The following NEDD4L variants were observed in gnomAD, a reference collection of about 807,000 sequenced individuals.
The protein encoded by NEDD4L is NEDD4 like E3 ubiquitin protein ligase, also known as E3 ubiquitin-protein ligase NEDD4-like.
In NEDD4L, 54 loss-of-function variants were observed where a neutral mutation model predicts 148.9. That is an observed-to-expected ratio of 0.36 (90% CI 0.29 to 0.45). NEDD4L has a LOEUF of 0.45. Ranked by LOEUF, NEDD4L falls within the 20% of genes least tolerant of loss-of-function variation. NEDD4L has a pLI of 1.00. For missense variants in NEDD4L, 856 were observed against 1,233.8 expected, an observed-to-expected ratio of 0.69 and a Z score of 4.59; for synonymous variants, 433 against 440.7, an observed-to-expected ratio of 0.98 and a Z score of 0.22.
At chr18:58,212,722 C>T (rs1056713710) in intron 2 of NEDD4L, among the ~76,000 whole-genome samples, 1 of 152,150 alleles carries the variant, frequency 6.6e-6, no homozygotes, top group Non-Finnish European at 1.5e-5. Flanking sequence ...CTGCCCACCT[C>T]AGCCTCCCAA....
chr18:58,311,109 GCTTT>G (rs143394196), intron 5 of NEDD4L, among the ~76,000 whole-genome samples: 2,544 of 152,066 alleles, frequency 0.017, 74 homozygotes, highest in African/African-American at 0.058. Flanking sequence ...TAGTTGAGTG[GCTTT>G]CTAATTCTTT....
At chr18:58,195,729 A>G (rs758473764) in intron 2 of NEDD4L, 4 of 1,351,252 alleles carry the variant, frequency 3.0e-6, no homozygotes, top group Admixed American at 1.9e-5. Flanking sequence ...CCTGCCTGGA[A>G]TCTGGTAAGT....
intron 2 of NEDD4L, among the ~76,000 whole-genome samples, chr18:58,213,148 CA>C (rs1568400275): frequency 7.8e-4 from 118 of 151,872 alleles, no homozygotes; most frequent in Non-Finnish European, 1.4e-3. Flanking sequence ...GAATTATGGG[CA>C]GTTGGGAAAT....
intron 5 of NEDD4L, among the ~76,000 whole-genome samples, chr18:58,282,986 T>G (rs1324455728): frequency 6.6e-6 from 1 of 152,226 alleles, no homozygotes; most frequent in African/African-American, 2.4e-5. Context: ...TGATGACGGC[T>G]AATCCCATTG....
intron 5 of NEDD4L, chr18:58,255,293 G>A: frequency 5.4e-6 from 1 of 186,480 alleles, no homozygotes. Context: ...CTGGGAAGGT[G>A]CTGTTTCAGG....
intron 2 of NEDD4L, among the ~76,000 whole-genome samples, chr18:58,220,051 A>G (rs911800383): frequency 6.6e-6 from 1 of 152,220 alleles, no homozygotes; most frequent in African/African-American, 2.4e-5. Flanking sequence ...AATTTAGTCT[A>G]TTCAGCAACT....
chr18:58,323,226 G>A lies in NEDD4L; in HGVS notation c.411-6G>A, dbSNP rs765977807. 36 of 1,558,938 alleles carry A rather than the reference G, an allele frequency of 2.3e-5. No homozygotes were observed. Among genetic ancestry groups the A allele is most frequent in the Non-Finnish European group, 3.0e-5 (34 of 1,135,462 alleles). On this transcript the variant is annotated splice_region_variant and splice_polypyrimidine_tract_variant and intron_variant, in intron 7 of 30. Transcript: ENST00000400345. ...TCTAACCAATTTTCTTCCATTATGT[G>A]TGCAGTCATAAGTCTCGAGTTAAGG...
chr18:58,367,678 G>T, intron 21 of NEDD4L, 68 bp from the exon 22 acceptor site: 1 of 1,576,828 alleles, frequency 6.3e-7, no homozygotes, highest in Admixed American at 1.7e-5. Flanking sequence ...GTGACAGGTG[G>T]CAAACAAATA....
intron 16 of NEDD4L, among the ~76,000 whole-genome samples, chr18:58,347,221 C>CCCCCCCCCCCCCCCCCCCCA (rs2043207718): frequency 1.1e-5 from 1 of 94,256 alleles, no homozygotes; most frequent in Non-Finnish European, 2.2e-5. Context: ...CCCGCCCCCC[C>CCCCCCCCCCCCCCCCCCCCA]CCCCCCTTTA....
At position 58,267,987 on chromosome 18, in the gene NEDD4L, G is replaced by A. The variant is rs73961546; in HGVS notation, c.297+15933G>A. 5.7e-3 allele frequency among the ~76,000 whole-genome samples: 860 copies of A among 152,112 alleles called. 10 individuals carry two copies. The highest frequency in any genetic ancestry group is 0.018 in the African/African-American group (767 of 41,510). On this transcript the variant is annotated intron_variant, in intron 5 of 30. Coordinates refer to ENST00000400345, the MANE Select transcript of NEDD4L (RefSeq NM_001144967.3). ...GGTCGTCGTTTTTTGCCCCTACTGTGGGGGCCAAGGGAAAATTGCTCTGCG... is the reference window on the plus strand; with the variant it reads ...GGTCGTCGTTTTTTGCCCCTACTGTAGGGGCCAAGGGAAAATTGCTCTGCG...
intron 9 of NEDD4L, 148 bp downstream of exon 9, chr18:58,325,310 G>T: frequency 3.2e-6 from 3 of 936,394 alleles, no homozygotes; most frequent in Admixed American, 2.5e-5. Flanking sequence ...CTCCATTTAC[G>T]TAAAGCATGC....
At chr18:58,196,737 T>TA (rs1442255356) in intron 2 of NEDD4L, among the ~76,000 whole-genome samples, 9 of 143,492 alleles carry the variant, frequency 6.3e-5, no homozygotes, top group African/African-American at 1.6e-4. Context: ...TTTTTTTTTT[T>TA]AACATCAGCC....
chr18:58,286,265 T>C (rs73437243), intron 5 of NEDD4L, among the ~76,000 whole-genome samples: 4,569 of 152,298 alleles, frequency 0.03, 207 homozygotes, highest in African/African-American at 0.1. Flanking sequence ...CTATGTTCTA[T>C]AGAATATAAG....
At chr18:58,351,955 T>C (rs1445202294) in intron 18 of NEDD4L, among the ~76,000 whole-genome samples, 4 of 152,188 alleles carry the variant, frequency 2.6e-5, no homozygotes, top group Admixed American at 6.5e-5. Flanking sequence ...CACTATCTCA[T>C]AGGCATAGTA....
At chr18:58,147,419 T>A (rs1339552240) in intron 1 of NEDD4L, among the ~76,000 whole-genome samples, 2 of 152,090 alleles carry the variant, frequency 1.3e-5, no homozygotes, top group Non-Finnish European at 2.9e-5. Context: ...AATCACCCCC[T>A]CCCCGAATTG....
chr18:58,321,157 A>G (rs142451949), intron 6 of NEDD4L, among the ~76,000 whole-genome samples: 25 of 152,360 alleles, frequency 1.6e-4, no homozygotes, highest in African/African-American at 5.5e-4. Flanking sequence ...ACATTCTGGA[A>G]GTGATGGATA....
chr18:58,066,387 G>GTTTTTTTTTTTTTTTT (rs368243667), intron 1 of NEDD4L, among the ~76,000 whole-genome samples: 3 of 112,104 alleles, frequency 2.7e-5, no homozygotes, highest in African/African-American at 9.0e-5. Context: ...CTCTGTATTA[G>GTTTTTTTTTTTTTTTT]TTTTTTTTTT....
intron 5 of NEDD4L, among the ~76,000 whole-genome samples, chr18:58,288,898 G>A (rs1298975508): frequency 6.6e-6 from 1 of 152,184 alleles, no homozygotes; most frequent in Non-Finnish European, 1.5e-5. Flanking sequence ...TCTCAGTATA[G>A]ATTCAGCTTC....
intron 30 of NEDD4L, among the ~76,000 whole-genome samples, chr18:58,393,411 G>A (rs2050083825): frequency 6.6e-6 from 1 of 152,160 alleles, no homozygotes; most frequent in Non-Finnish European, 1.5e-5. Flanking sequence ...AGGCTGGCAG[G>A]GTTGAAAATT....
Sources: allele counts gnomAD v4.1 joint callset (sites outside exome capture counted in the v4.1 genomes callset), GRCh38; gene constraint gnomAD v4.1.1; transcripts MANE v1.5; gene names NCBI Gene and HGNC (gene_info 2026-07-23, HGNC 2026-07-21).